Variants in STARD13 observed in about 807,000 individuals in gnomAD.
The protein encoded by STARD13 is stAR-related lipid transfer protein 13.
In STARD13, 62 loss-of-function variants were observed where a neutral mutation model predicts 106.4. That is an observed-to-expected ratio of 0.58 (90% confidence interval 0.48 to 0.72). STARD13 has a LOEUF of 0.72. Among genes scored for constraint, STARD13 ranks in the 30% least tolerant of loss-of-function variants. The pLI, the probability that STARD13 is intolerant of heterozygous loss-of-function variation, is 0.00. For missense variants in STARD13, 1,387 were observed against 1,424.0 expected (o/e 0.97, Z 0.42); for synonymous variants, 565 against 553.0 (o/e 1.02, Z -0.31).
At chr13:33,166,867 C>T (rs918689014) in intron 2 of STARD13, among the ~76,000 whole-genome samples, 4 of 151,800 alleles carry the variant, frequency 2.6e-5, no homozygotes, top group African/African-American at 7.3e-5. Flanking sequence ...TGGTGGTGCC[C>T]GCCTGTAATC....
chr13:33,250,830 C>T (rs1890061082), intron 1 of STARD13, among the ~76,000 whole-genome samples: 1 of 152,188 alleles, frequency 6.6e-6, no homozygotes, highest in African/African-American at 2.4e-5. Context: ...TCTATTTGAA[C>T]ACACATCTGT....
chr13:33,414,950 C>G, the STARD13 span, among the ~76,000 whole-genome samples: 7 of 152,304 alleles, frequency 4.6e-5, no homozygotes, highest in South Asian at 1.4e-3. Flanking sequence ...GGTAGAATGT[C>G]TGTAAAGATG....
chr13:33,258,883 C>T (rs532645794), intron 1 of STARD13, among the ~76,000 whole-genome samples: 1 of 152,220 alleles, frequency 6.6e-6, no homozygotes, highest in Non-Finnish European at 1.5e-5. Flanking sequence ...TGAGATCTTT[C>T]TCCTATAAGT....
At chr13:33,609,256 A>G in the STARD13 span, among the ~76,000 whole-genome samples, 3 of 152,146 alleles carry the variant, frequency 2.0e-5, no homozygotes, top group African/African-American at 7.2e-5. Context: ...AAACTCTGCA[A>G]TAACACAATA....
the STARD13 span, among the ~76,000 whole-genome samples, chr13:33,395,028 G>A: frequency 6.6e-6 from 1 of 152,168 alleles, no homozygotes; most frequent in East Asian, 1.9e-4. Flanking sequence ...AGGACTCAGG[G>A]AGCCATCAGA....
chr13:33,245,204 T>G (rs1227109062), intron 1 of STARD13, among the ~76,000 whole-genome samples: 4 of 152,124 alleles, frequency 2.6e-5, no homozygotes, highest in Non-Finnish European at 5.9e-5. Flanking sequence ...TAGCGGAAAA[T>G]TTTCTCATTT....
chr13:33,117,633 C>T, intron 8 of STARD13: 1 of 978,252 alleles, frequency 1.0e-6, no homozygotes, highest in Non-Finnish European at 1.2e-6. Context: ...TGCTAAAATA[C>T]ATTTGTTTTT....
chr13:33,157,531 G>T (rs138017309), intron 3 of STARD13, among the ~76,000 whole-genome samples: 1 of 152,112 alleles, frequency 6.6e-6, no homozygotes, highest in Non-Finnish European at 1.5e-5. Context: ...GTAGCTGGGC[G>T]TGGTGGTTGG....
At chr13:33,246,850 A>T (rs1434721858) in intron 1 of STARD13, among the ~76,000 whole-genome samples, 1 of 152,186 alleles carries the variant, frequency 6.6e-6, no homozygotes, top group Non-Finnish European at 1.5e-5. Context: ...AAAATTTCAA[A>T]AGACAGTGAC....
chr13:33,133,117 TACA>T (rs1878555693), intron 4 of STARD13, among the ~76,000 whole-genome samples: 1 of 152,148 alleles, frequency 6.6e-6, no homozygotes, highest in African/African-American at 2.4e-5. Context: ...AAACAGAAAC[TACA>T]ACATTTAGTG....
chr13:33,209,372 C>T (rs1566075423), intron 1 of STARD13, among the ~76,000 whole-genome samples: 1 of 152,108 alleles, frequency 6.6e-6, no homozygotes, highest in African/African-American at 2.4e-5. Context: ...CAACACTACC[C>T]ATATTGGGGA....
the STARD13 span, among the ~76,000 whole-genome samples, chr13:33,455,462 G>A: frequency 6.6e-6 from 1 of 152,114 alleles, no homozygotes; most frequent in African/African-American, 2.4e-5. Flanking sequence ...GGACAGAAGG[G>A]AATAATCAAG....
chr13:33,359,155 G>A, the STARD13 span, among the ~76,000 whole-genome samples: 2 of 151,582 alleles, frequency 1.3e-5, no homozygotes, highest in Admixed American at 6.6e-5. Flanking sequence ...GTTGTTTTTC[G>A]CTCTTTGCAA....
At chr13:33,575,543 T>C in the STARD13 span, among the ~76,000 whole-genome samples, 1 of 152,158 alleles carries the variant, frequency 6.6e-6, no homozygotes, top group African/African-American at 2.4e-5. Context: ...GGTGTTTAGG[T>C]TGTATGGTCA....
At chr13:33,303,160 C>T (rs1892782078) in intron 1 of STARD13, among the ~76,000 whole-genome samples, 1 of 152,186 alleles carries the variant, frequency 6.6e-6, no homozygotes, top group South Asian at 2.1e-4. Context: ...CCACCTACTC[C>T]TTCCTCCTCA....
At chr13:33,434,818 G>A in the STARD13 span, among the ~76,000 whole-genome samples, 2 of 151,542 alleles carry the variant, frequency 1.3e-5, no homozygotes, top group African/African-American at 2.4e-5. Flanking sequence ...TCTATTGGGA[G>A]CAAGGGATAA....
At chr13:33,298,032 C>T (rs1200122575) in intron 1 of STARD13, among the ~76,000 whole-genome samples, 1 of 151,930 alleles carries the variant, frequency 6.6e-6, no homozygotes, top group East Asian at 1.9e-4. Context: ...CATGATGTGT[C>T]CTGTACACAG....
At chr13:33,155,018 C>A (rs1313061172) in intron 3 of STARD13, among the ~76,000 whole-genome samples, 1 of 152,088 alleles carries the variant, frequency 6.6e-6, no homozygotes, top group Non-Finnish European at 1.5e-5. Context: ...AGAGGATTCC[C>A]CGGCATCCAC....
chr13:33,294,584 C>T (rs889483827), intron 1 of STARD13, among the ~76,000 whole-genome samples: 3 of 152,196 alleles, frequency 2.0e-5, no homozygotes, highest in Non-Finnish European at 4.4e-5. Context: ...AATAATTTTA[C>T]TGGAGATTTT....
Sources: gnomAD v4.1 joint callset for allele counts (sites outside exome capture counted in the v4.1 genomes callset) on GRCh38, gnomAD v4.1.1 for gene constraint, MANE v1.5 for transcripts, NCBI Gene and HGNC (gene_info 2026-07-23, HGNC 2026-07-21) for gene names.